CADM2: variants seen among roughly 807,000 people sequenced by gnomAD.
The protein encoded by CADM2 is immunoglobulin superfamily member 4D.
A neutral mutation model predicts 49.8 loss-of-function variants in CADM2; 12 were observed. That is an observed-to-expected ratio of 0.24 (90% CI 0.15 to 0.39). CADM2 has a LOEUF of 0.39. Ranked by LOEUF, CADM2 falls within the 10% of genes least tolerant of loss-of-function variation. The probability of loss-of-function intolerance (pLI) is 1.00; values close to 1 mark genes in which losing one functional copy is unlikely to be tolerated. For synonymous variants in CADM2, 214 were observed against 175.4 expected, an observed-to-expected ratio of 1.22 and a Z score of -1.74; for missense variants, 378 against 492.3, an observed-to-expected ratio of 0.77 and a Z score of 2.20.
chr3:85,661,799 T>A (rs934161034), intron 1 of CADM2, among the ~76,000 whole-genome samples: 1 of 151,990 alleles, frequency 6.6e-6, no homozygotes, highest in Non-Finnish European at 1.5e-5. Context: ...TATTTGGGGA[T>A]TTATAGACCT....
At chr3:85,776,297 A>T (rs2070356688) in intron 2 of CADM2, among the ~76,000 whole-genome samples, 1 of 151,468 alleles carries the variant, frequency 6.6e-6, no homozygotes, top group Non-Finnish European at 1.5e-5. Context: ...AAATTAAAAC[A>T]TTGTAAATCT....
At chr3:85,706,170 CA>C (rs148216355) in intron 1 of CADM2, among the ~76,000 whole-genome samples, 1 of 152,068 alleles carries the variant, frequency 6.6e-6, no homozygotes, top group African/African-American at 2.4e-5. Flanking sequence ...TTATTAAAAC[CA>C]GCTGTTGATG....
At chr3:86,053,590 C>T (rs1183640394) in intron 8 of CADM2, among the ~76,000 whole-genome samples, 1 of 152,024 alleles carries the variant, frequency 6.6e-6, no homozygotes, top group Non-Finnish European at 1.5e-5. Flanking sequence ...ATCCATAAGC[C>T]AAACAATTAC....
intron 1 of CADM2, among the ~76,000 whole-genome samples, chr3:85,161,524 A>T (rs2040324408): frequency 6.6e-6 from 1 of 152,132 alleles, no homozygotes; most frequent in African/African-American, 2.4e-5. Flanking sequence ...ATGGCCTACT[A>T]AAACCTAGGT....
intron 1 of CADM2, among the ~76,000 whole-genome samples, chr3:85,657,434 T>A (rs1389261281): frequency 6.6e-6 from 1 of 152,070 alleles, no homozygotes; most frequent in African/African-American, 2.4e-5. Context: ...ATCTTCTAGT[T>A]ATAAGCCACA....
intron 2 of CADM2, among the ~76,000 whole-genome samples, chr3:85,751,544 A>G (rs562149949): frequency 6.6e-6 from 1 of 152,286 alleles, no homozygotes; most frequent in Admixed American, 6.5e-5. Context: ...TGTCATCAAT[A>G]CACCCATGTG....
chr3:85,681,730 C>A (rs1038555223), intron 1 of CADM2, among the ~76,000 whole-genome samples: 3 of 152,018 alleles, frequency 2.0e-5, no homozygotes, highest in Non-Finnish European at 4.4e-5. Flanking sequence ...TTCCTATTAA[C>A]CCATTTAACT....
chr3:85,808,524 G>C (rs762024749), intron 3 of CADM2, among the ~76,000 whole-genome samples: 1 of 152,082 alleles, frequency 6.6e-6, no homozygotes, highest in Non-Finnish European at 1.5e-5. Context: ...AGCACAATCT[G>C]ATCAGTTAAT....
At chr3:85,010,911 T>G in intron 1 of CADM2, among the ~76,000 whole-genome samples, 1 of 126,034 alleles carries the variant, frequency 7.9e-6, no homozygotes, top group Admixed American at 1.0e-4. Flanking sequence ...TCTCCCAGGC[T>G]GGAGTGCAGT....
intron 8 of CADM2, among the ~76,000 whole-genome samples, chr3:85,968,624 C>A (rs1448839293): frequency 6.6e-6 from 1 of 151,522 alleles, no homozygotes; most frequent in African/African-American, 2.4e-5. Flanking sequence ...ATAATATTTT[C>A]TCTCAGTTGC....
chr3:85,009,908 T>C (rs1175504793), intron 1 of CADM2, among the ~76,000 whole-genome samples: 1 of 148,416 alleles, frequency 6.7e-6, no homozygotes, highest in African/African-American at 2.5e-5. Context: ...AATAAATAAA[T>C]ATTTTAAAAA....
Position 85,019,831 on chromosome 3 carries a change from A to G in CADM2, c.61+60163A>G, listed in dbSNP as rs564399357. Among the ~76,000 whole-genome samples, 3 of 152,274 alleles carry G rather than the reference A, an allele frequency of 2.0e-5. No individual in the cohort carries two copies. In the East Asian group the frequency reaches 5.8e-4, roughly 30 times the overall value. ...GTGAAGCAGGGAAAATACTCCAATT[A>G]CAAGTTCAGAATTTGAGATTCAGAA... On this transcript the variant is annotated intron_variant, in intron 1 of 9. Transcript: ENST00000383699.
At position 86,073,048 on chromosome 3, in the gene CADM2, A is replaced by G. The variant is rs2107470479; in HGVS notation, c.*6265A>G. On this transcript the variant is annotated 3_prime_UTR_variant, in exon 10 of 10. Transcript: ENST00000383699. ...TACTGACCTGTTTTCTTCATATTGC[A>G]TTCACATCAATATTTGTGAATTTGT... is the stretch of plus-strand genomic sequence containing the variant. 1 of 152,168 alleles carries G rather than the reference A, an allele frequency of 6.6e-6. No homozygotes were observed. The highest frequency in any genetic ancestry group is 2.1e-4 in the South Asian group (1 of 4,824). The allele number at this position is 152,168 out of a possible 1,614,324, so 9.4% of individuals were successfully genotyped here.
chr3:84,990,734 C>T (rs1459688564), intron 1 of CADM2, among the ~76,000 whole-genome samples: 1 of 152,064 alleles, frequency 6.6e-6, no homozygotes, highest in Non-Finnish European at 1.5e-5. Flanking sequence ...CATAGTCTAA[C>T]ATTCCTTAAA....
intron 2 of CADM2, among the ~76,000 whole-genome samples, chr3:85,793,514 A>G (rs1224086549): frequency 6.6e-6 from 1 of 152,196 alleles, no homozygotes; most frequent in Non-Finnish European, 1.5e-5. Flanking sequence ...GTAAATGTTT[A>G]CCAACATGCT....
intron 1 of CADM2, among the ~76,000 whole-genome samples, chr3:85,509,533 A>G (rs909173985): frequency 6.6e-6 from 1 of 152,168 alleles, no homozygotes; most frequent in African/African-American, 2.4e-5. Flanking sequence ...GATTCAAGTT[A>G]CATTAACTGT....
intron 1 of CADM2, among the ~76,000 whole-genome samples, chr3:85,506,263 C>T (rs900015807): frequency 1.3e-5 from 2 of 152,148 alleles, no homozygotes; most frequent in African/African-American, 4.8e-5. Context: ...TTTTGTTCTG[C>T]TTAATTTAGC....
At chr3:85,557,843 T>A (rs926889507) in intron 1 of CADM2, among the ~76,000 whole-genome samples, 1 of 152,026 alleles carries the variant, frequency 6.6e-6, no homozygotes, top group Admixed American at 6.6e-5. Context: ...CCACAAGACT[T>A]GATCCTTCAT....
intron 1 of CADM2, among the ~76,000 whole-genome samples, chr3:85,309,060 G>T (rs543893427): frequency 6.6e-6 from 1 of 152,066 alleles, no homozygotes; most frequent in Admixed American, 6.6e-5. Flanking sequence ...AGTACAAAGA[G>T]ATGACTATAA....
Sources: gnomAD v4.1 joint callset for allele counts (sites outside exome capture counted in the v4.1 genomes callset) on GRCh38, gnomAD v4.1.1 for gene constraint, MANE v1.5 for transcripts, NCBI Gene and HGNC (gene_info 2026-07-23, HGNC 2026-07-21) for gene names.